Variants in TEX11 observed in about 807,000 individuals in gnomAD.
TEX11 encodes testis-expressed protein 11.
Under a neutral mutation model 84.4 loss-of-function variants are expected in TEX11, and 7 were observed. That is an observed-to-expected ratio of 0.08 (90% CI 0.05 to 0.16). The LOEUF is 0.16. Ranked by LOEUF, TEX11 falls within the 10% of genes least tolerant of loss-of-function variation. The pLI is 1.00. For synonymous variants in TEX11, 264 were observed against 222.8 expected, an observed-to-expected ratio of 1.18 and a Z score of -1.64; for missense variants, 551 against 660.5, an observed-to-expected ratio of 0.83 and a Z score of 1.82.
intron 22 of TEX11, among the ~76,000 whole-genome samples, 164 bp downstream of exon 22, chrX:70,608,927 T>C (rs55818202): frequency 2.3e-3 from 261 of 111,142 alleles, no homozygotes; most frequent in Middle Eastern, 4.7e-3. Context: ...CCTTAATAAC[T>C]GCATGAAGTA....
rs377149286 is a variant in TEX11, at chrX:70,852,614, T to C, written c.525+420A>G. 5.3e-5 allele frequency among the ~76,000 whole-genome samples: 6 copies of C among 112,352 alleles called. No homozygotes were observed. In the East Asian group the frequency reaches 1.7e-3, roughly 31 times the overall value. On this transcript the variant is annotated intron_variant, in intron 7 of 29. Coordinates refer to ENST00000374333, the MANE Select transcript of TEX11 (RefSeq NM_031276.3). ...AAGATAAACAGAGGTAAAGTATAAC[T>C]TTAAACAGTGTATGATCTCAGCAGA... is the stretch of plus-strand genomic sequence containing the variant.
intron 20 of TEX11, among the ~76,000 whole-genome samples, chrX:70,615,751 A>T (rs763587911): frequency 4.2e-4 from 47 of 112,239 alleles, no homozygotes; most frequent in Non-Finnish European, 8.1e-4. Flanking sequence ...TCAAACTCTC[A>T]AAGGTTCAGG....
intron 4 of TEX11, among the ~76,000 whole-genome samples, chrX:70,870,681 T>G (rs916982112): frequency 7.2e-5 from 8 of 111,842 alleles, no homozygotes; most frequent in South Asian, 7.5e-4. Flanking sequence ...CATCTATCCC[T>G]ATTCTTTTTA....
chrX:70,551,695 C>T (rs756050495), intron 28 of TEX11, among the ~76,000 whole-genome samples: 1 of 111,328 alleles, frequency 9.0e-6, no homozygotes, highest in East Asian at 2.8e-4. Context: ...ACTGAATAAA[C>T]CTGCACAGAA....
chrX:70,551,898 A>G (rs185906570), intron 28 of TEX11, among the ~76,000 whole-genome samples: 263 of 111,985 alleles, frequency 2.3e-3, no homozygotes, highest in South Asian at 0.019. Context: ...GCCTGGTGGT[A>G]CTGCTACTTG....
At chrX:70,833,445 G>A in intron 8 of TEX11, 68 bp downstream of exon 8, 1 of 894,796 alleles carries the variant, frequency 1.1e-6, no homozygotes, top group Non-Finnish European at 1.6e-6. Flanking sequence ...GCATGAAGTA[G>A]TAATGATTCT....
At chrX:70,881,232 C>T (rs1219569502) in intron 2 of TEX11, among the ~76,000 whole-genome samples, 2 of 105,481 alleles carry the variant, frequency 1.9e-5, no homozygotes, top group African/African-American at 7.0e-5. Context: ...GTGGCTGAGG[C>T]ATAAGAATTG....
At chrX:70,731,454 A>C (rs1350340047) in intron 11 of TEX11, among the ~76,000 whole-genome samples, 1 of 111,139 alleles carries the variant, frequency 9.0e-6, no homozygotes, top group Non-Finnish European at 1.9e-5. Flanking sequence ...AGACGCAATA[A>C]AAAATGATAA....
At chrX:70,579,510 C>CA (rs752604228) in intron 25 of TEX11, among the ~76,000 whole-genome samples, 1,490 of 9,580 alleles carry the variant, frequency 0.16, 25 homozygotes, top group African/African-American at 0.29. Flanking sequence ...AACAAAAAAA[C>CA]AAAAAAAACA....
intron 28 of TEX11, among the ~76,000 whole-genome samples, chrX:70,538,471 C>T (rs947809096): frequency 6.3e-5 from 7 of 110,511 alleles, no homozygotes; most frequent in Non-Finnish European, 9.4e-5. Flanking sequence ...CTCAGGGAGA[C>T]GTGAGGCTTG....
At chrX:70,907,716 T>G (rs768243846) in intron 2 of TEX11, 37 bp downstream of exon 2, 1 of 1,053,017 alleles carries the variant, frequency 9.5e-7, no homozygotes, top group Non-Finnish European at 1.3e-6. Context: ...AAGCAGCAGT[T>G]TGACACTATT....
chrX:70,719,771 G>C (rs2090540067), intron 13 of TEX11, among the ~76,000 whole-genome samples: 2 of 112,122 alleles, frequency 1.8e-5, no homozygotes, highest in Non-Finnish European at 3.8e-5. Flanking sequence ...GTGAAAAAAT[G>C]CTCATCATCA....
chrX:70,841,803 C>T (rs767441753), intron 7 of TEX11, among the ~76,000 whole-genome samples: 2,175 of 111,055 alleles, frequency 0.02, 54 homozygotes, highest in African/African-American at 0.067. Flanking sequence ...GGGGATATCA[C>T]CACCGATCCC....
chrX:70,756,911 A>T (rs959016097), intron 9 of TEX11, among the ~76,000 whole-genome samples: 5 of 112,236 alleles, frequency 4.5e-5, no homozygotes, highest in Non-Finnish European at 9.4e-5. Flanking sequence ...TAAACAGTGT[A>T]GAGAAGACCT....
chrX:70,620,108 G>A (rs913177475), intron 20 of TEX11, among the ~76,000 whole-genome samples: 2 of 111,317 alleles, frequency 1.8e-5, no homozygotes, highest in African/African-American at 6.5e-5. Context: ...ACAGTTGTGA[G>A]CCACAATGCC....
chrX:70,589,154 T>C (rs951830206), intron 25 of TEX11, among the ~76,000 whole-genome samples: 17 of 110,658 alleles, frequency 1.5e-4, no homozygotes, highest in South Asian at 3.8e-4. Context: ...TTTTATGTTA[T>C]ATATATTTTA....
intron 9 of TEX11, among the ~76,000 whole-genome samples, chrX:70,796,906 A>G (rs898347422): frequency 8.9e-6 from 1 of 112,114 alleles, no homozygotes; most frequent in East Asian, 2.8e-4. Flanking sequence ...TCAAAACCAC[A>G]ATGAGATACC....
At chrX:70,644,790 G>A (rs1298131810) in intron 17 of TEX11, among the ~76,000 whole-genome samples, 3 of 63,120 alleles carry the variant, frequency 4.8e-5, no homozygotes, top group Non-Finnish European at 8.4e-5. Flanking sequence ...GGGGAGGGGG[G>A]AGGGATAGCA....
intron 25 of TEX11, among the ~76,000 whole-genome samples, chrX:70,589,042 TTAA>T (rs2088892133): frequency 9.0e-6 from 1 of 110,941 alleles, no homozygotes. Context: ...AAATTATTCT[TTAA>T]TGGATACAGA....
Sources: gnomAD v4.1 joint callset for allele counts (sites outside exome capture counted in the v4.1 genomes callset) on GRCh38, gnomAD v4.1.1 for gene constraint, MANE v1.5 for transcripts, NCBI Gene and HGNC (gene_info 2026-07-23, HGNC 2026-07-21) for gene names.